Variants in ADGRA2 observed in about 807,000 individuals in gnomAD.
The protein encoded by ADGRA2 is G-protein coupled receptor 124.
In ADGRA2, 61 loss-of-function variants were observed where a neutral mutation model predicts 98.7. The observed-to-expected ratio is 0.62, with a 90% confidence interval of 0.50 to 0.76. ADGRA2 has a LOEUF of 0.76. ADGRA2 is among the 30% of genes least tolerant of loss of function. ADGRA2 has a pLI of 0.00. For missense variants in ADGRA2, 1,712 were observed against 1,860.0 expected (o/e 0.92, Z 1.46); for synonymous variants, 858 against 831.5 (o/e 1.03, Z -0.55).
chr8:37,823,779 T>C (rs534097101), intron 2 of ADGRA2, among the ~76,000 whole-genome samples: 65 of 152,360 alleles, frequency 4.3e-4, no homozygotes, highest in African/African-American at 1.3e-3. Flanking sequence ...GTGGCTTTGA[T>C]TTGCATTTCC....
At chr8:37,826,180 T>C (rs968132844) in intron 2 of ADGRA2, among the ~76,000 whole-genome samples, 1 of 151,984 alleles carries the variant, frequency 6.6e-6, no homozygotes, top group Non-Finnish European at 1.5e-5. Flanking sequence ...TGAAGGGAAG[T>C]GACACAATGA....
intron 7 of ADGRA2, 80 bp from the exon 8 acceptor site, chr8:37,831,343 G>A (rs539529171): frequency 5.9e-6 from 8 of 1,348,152 alleles, no homozygotes; most frequent in South Asian, 4.8e-5. Flanking sequence ...TGCAGCTAGT[G>A]TTGTAGGACG....
chr8:37,821,786 G>C (rs781345711), intron 2 of ADGRA2, among the ~76,000 whole-genome samples: 1 of 152,216 alleles, frequency 6.6e-6, no homozygotes, highest in East Asian at 1.9e-4. Context: ...TGAGCCCCGG[G>C]GGCTGGTATG....
In ADGRA2 at chr8:37,835,420, G is replaced by T. The variant is rs765565913; in HGVS notation, c.1833+22G>T. The T allele has an allele frequency of 1.9e-6, 3 of 1,593,444 alleles. No individual in the cohort carries two copies. The African/African-American group carries it at 4.0e-5, about 21-fold the overall frequency. On this transcript the variant is annotated intron_variant, in intron 12 of 18. Transcript: ENST00000412232. ...CAAGGTGGGCGCTGGGGGAGGGAGA[G>T]GGGGTGGGAGAAGGGAGGCACTCAG...
chr8:37,844,661 C>A lies in ADGRA2; in HGVS notation c.*2306C>A, dbSNP rs1158017798. On this transcript the variant is annotated 3_prime_UTR_variant, in exon 19 of 19. Transcript: ENST00000412232. ...CAGGGCAGATCCGCTTCGGGGACTT[C>A]AACATGCAGGGTGGCAAGAGAAGGG... 1.2e-6 allele frequency: 2 copies of A among 1,614,148 alleles called. No homozygotes were observed. The highest frequency in any genetic ancestry group is 1.7e-6 in the Non-Finnish European group (2 of 1,180,030).
chr8:37,829,122 G>C, intron 3 of ADGRA2, 139 bp from the exon 4 acceptor site: 2 of 807,488 alleles, frequency 2.5e-6, no homozygotes, highest in Non-Finnish European at 4.1e-6. Context: ...TTCCAGTCCA[G>C]CTGCGGCCTG....
Position 37,829,474 on chromosome 8 carries a change from C to T in ADGRA2, c.483-14C>T. On this transcript the variant is annotated splice_polypyrimidine_tract_variant and intron_variant, in intron 4 of 18. Coordinates refer to ENST00000412232, the MANE Select transcript of ADGRA2 (RefSeq NM_032777.10). The stretch of plus-strand genomic sequence containing the variant: ...CCCTAAGACCCCATCTCAGTTGTCC[C>T]CTGTTCCCTGCAGAAACATATCTGG... 3 of 1,609,668 alleles carry T rather than the reference C, an allele frequency of 1.9e-6. No individual in the cohort carries two copies. The highest frequency in any genetic ancestry group is 1.1e-5 in the South Asian group (1 of 90,988).
intron 1 of ADGRA2, among the ~76,000 whole-genome samples, chr8:37,803,787 C>T (rs1272433793): frequency 1.3e-5 from 2 of 152,052 alleles, no homozygotes; most frequent in African/African-American, 4.8e-5. Flanking sequence ...CCATCTGTCA[C>T]AGAGGAGCAG....
intron 1 of ADGRA2, among the ~76,000 whole-genome samples, chr8:37,804,132 C>CACACACACACAT (rs1563337098): frequency 3.3e-5 from 5 of 151,308 alleles, no homozygotes; most frequent in African/African-American, 4.8e-5. Context: ...CACACACACA[C>CACACACACACAT]ACACACACAC....
At chr8:37,806,526 C>CTTTTTCTTTTTTTTTTTTTTTTTTTTT (rs756594430) in intron 1 of ADGRA2, among the ~76,000 whole-genome samples, 3 of 100,356 alleles carry the variant, frequency 3.0e-5, no homozygotes, top group African/African-American at 5.1e-5. Context: ...TTTTCTTTTT[C>CTTTTTCTTTTTTTTTTTTTTTTTTTTT]TTTTTTTTTT....
At position 37,797,495 on chromosome 8, in the gene ADGRA2, C is replaced by G. The variant is rs747200083; in HGVS notation, c.227C>G (p.Pro76Arg). ...VVCSGGDLPE[P>R]PEPGLLPNGT... is the part of the protein sequence containing the mutation. ...TGCAGCGGCGGGGACCTCCCGGAGC[C>G]TCCCGAGCCCGGCCTTCTGCCTAAC... Residue 76 changes from proline to arginine, a missense_variant, in exon 1 of 19, where the codon CCT becomes CGT. Pro to Arg is a moderately radical substitution (Grantham distance 103). Coordinates refer to ENST00000412232, the MANE Select transcript of ADGRA2 (RefSeq NM_032777.10). This position sits in a 1 kb window ranked among gnomAD's most constrained non-coding sequence, Gnocchi z 5.3. The G allele has an allele frequency of 7.1e-7, 1 of 1,406,022 alleles. No individual in the cohort carries two copies. The highest frequency in any genetic ancestry group is 9.3e-7 in the Non-Finnish European group (1 of 1,076,512). 87.1% of individuals were successfully genotyped at this position (1,406,022 alleles called of 1,614,324 possible). A position where few individuals can be genotyped will look rare whatever the true frequency, so the allele number is the denominator to read the frequency against.
At chr8:37,840,304 G>T in intron 17 of ADGRA2, 38 bp downstream of exon 17, 1 of 1,603,756 alleles carries the variant, frequency 6.2e-7, no homozygotes, top group African/African-American at 1.3e-5. Context: ...ATTGGGGAGG[G>T]ACTCCAACGC....
chr8:37,808,016 C>CT (rs1242422894), intron 1 of ADGRA2, among the ~76,000 whole-genome samples: 1 of 152,224 alleles, frequency 6.6e-6, no homozygotes, highest in Middle Eastern at 3.2e-3. Flanking sequence ...CAGAGCCTCT[C>CT]TGTAGACGCC....
In ADGRA2 at chr8:37,809,283, G is replaced by A. The variant is rs564787489; in HGVS notation, c.267-5613G>A. On this transcript the variant is annotated intron_variant, in intron 1 of 18. Transcript: ENST00000412232. ...TGTACTCCAGCCTGGGCAATAGAGC[G>A]AAACTTGTCTCTCTTAAAAAAAAAA... Among the ~76,000 whole-genome samples the A allele has an allele frequency of 4.6e-4, 68 of 147,860 alleles. 1 individual carries two copies. The highest frequency in any genetic ancestry group is 1.6e-3 in the African/African-American group (63 of 40,200).
intron 1 of ADGRA2, among the ~76,000 whole-genome samples, chr8:37,806,578 G>A (rs1255936612): frequency 7.5e-6 from 1 of 132,908 alleles, no homozygotes; most frequent in Non-Finnish European, 1.5e-5. Flanking sequence ...CACCCAGGCT[G>A]GAGTGCAGTG....
In ADGRA2 at chr8:37,835,649, G is replaced by A. The variant is rs1472004735; in HGVS notation, c.1929G>A (p.Leu643=). 2 of 1,613,524 alleles carry A rather than the reference G, an allele frequency of 1.2e-6. No homozygotes were observed. The highest frequency in any genetic ancestry group is 4.5e-5 in the East Asian group (2 of 44,878). The change falls in exon 13 of 19, where the codon CTG becomes CTA. Residue 643 remains leucine, a synonymous_variant. Coordinates refer to ENST00000412232, the MANE Select transcript of ADGRA2 (RefSeq NM_032777.10). The part of the protein sequence containing the change: ...LAPPVPPDCT[L]QLLVFRNGRL... ...CCCCGGTGCCCCCAGACTGCACCCT[G>A]CAACTGCTCGTCTTCCGAAATGGCC...
chr8:37,829,419 C>A (rs1805388617), intron 4 of ADGRA2, 69 bp from the exon 5 acceptor site: 1 of 1,529,264 alleles, frequency 6.5e-7, no homozygotes, highest in Non-Finnish European at 9.1e-7. Context: ...TTCCACATCC[C>A]ACCTGCTCTC....
chr8:37,819,207 T>A (rs1805062803), intron 2 of ADGRA2, among the ~76,000 whole-genome samples: 1 of 152,080 alleles, frequency 6.6e-6, no homozygotes, highest in Non-Finnish European at 1.5e-5. Context: ...GAGAAGATAA[T>A]CACAGGACCC....
At position 37,842,503 on chromosome 8, in the gene ADGRA2, C is replaced by T; in HGVS notation, c.*148C>T. ...CCCACAGGCGGATGTTCCCCACTTG[C>T]CTAGAGGGCATCCCTCTGGGGTAGC... On this transcript the variant is annotated 3_prime_UTR_variant, in exon 19 of 19. Coordinates refer to ENST00000412232, the MANE Select transcript of ADGRA2 (RefSeq NM_032777.10). 7.8e-7 allele frequency: 1 copy of T among 1,282,890 alleles called. No homozygotes were observed. The highest frequency in any genetic ancestry group is 3.0e-5 in the East Asian group (1 of 32,820). 79.5% of individuals were successfully genotyped at this position (1,282,890 alleles called of 1,614,324 possible). A position where few individuals can be genotyped will look rare whatever the true frequency, so the allele number is the denominator to read the frequency against.
Sources: allele counts gnomAD v4.1 joint callset (sites outside exome capture counted in the v4.1 genomes callset), GRCh38; gene constraint gnomAD v4.1.1; non-coding constraint Gnocchi (gnomAD v3.1); transcripts MANE v1.5; gene names NCBI Gene and HGNC (gene_info 2026-07-23, HGNC 2026-07-21).